AOPEP: variants seen among roughly 807,000 people sequenced by gnomAD.
AOPEP encodes aminopeptidase O (putative), also known as aminopeptidase O.
AOPEP carries 77 observed loss-of-function variants against 98.1 expected under a neutral mutation model. That is an observed-to-expected ratio of 0.78 (90% confidence interval 0.65 to 0.95). The LOEUF (loss-of-function observed/expected upper bound fraction) is 0.95, where lower values mean the gene tolerates loss of function less well. Ranked by LOEUF, AOPEP falls within the 40% of genes least tolerant of loss-of-function variation. The probability of loss-of-function intolerance (pLI) is 0.00; values close to 1 mark genes in which losing one functional copy is unlikely to be tolerated. For synonymous variants in AOPEP, 346 were observed against 365.3 expected, an observed-to-expected ratio of 0.95 and a Z score of 0.60; for missense variants, 1,024 against 1,024.7, an observed-to-expected ratio of 1.00 and a Z score of 0.01.
At chr9:94,940,600 T>TAAAC (rs1475512302) in intron 7 of AOPEP, among the ~76,000 whole-genome samples, 6 of 151,942 alleles carry the variant, frequency 3.9e-5, no homozygotes, top group African/African-American at 1.5e-4. Context: ...TCTCAATAAA[T>TAAAC]AAATAAATAA....
chr9:94,887,711 G>A (rs1475368184), intron 5 of AOPEP, among the ~76,000 whole-genome samples: 1 of 152,202 alleles, frequency 6.6e-6, no homozygotes, highest in African/African-American at 2.4e-5. Context: ...AAATCAGTGA[G>A]ATAACTCGGT....
At chr9:94,896,289 T>A (rs1452897350) in intron 5 of AOPEP, among the ~76,000 whole-genome samples, 1 of 152,090 alleles carries the variant, frequency 6.6e-6, no homozygotes, top group Non-Finnish European at 1.5e-5. Context: ...TGCTTATGAG[T>A]CTATATGATA....
intron 13 of AOPEP, among the ~76,000 whole-genome samples, chr9:95,055,556 C>T (rs1324124823): frequency 6.6e-6 from 1 of 152,170 alleles, no homozygotes; most frequent in Non-Finnish European, 1.5e-5. Flanking sequence ...AGCTTTCTGT[C>T]TCCTTTAATG....
At chr9:95,084,943 T>C (rs1266817581) in intron 16 of AOPEP, among the ~76,000 whole-genome samples, 1 of 152,230 alleles carries the variant, frequency 6.6e-6, no homozygotes, top group Admixed American at 6.5e-5. Context: ...AGTAAACTAA[T>C]AGCAAGGACA....
chr9:94,842,148 G>A (rs904612309), intron 5 of AOPEP, among the ~76,000 whole-genome samples: 7 of 152,074 alleles, frequency 4.6e-5, no homozygotes, highest in African/African-American at 1.4e-4. Context: ...GATCACTTGA[G>A]GTCAGGAGTT....
At chr9:94,940,575 C>G (rs1441050750) in intron 7 of AOPEP, among the ~76,000 whole-genome samples, 3 of 151,902 alleles carry the variant, frequency 2.0e-5, no homozygotes, top group Non-Finnish European at 4.4e-5. Flanking sequence ...GCCTGGACAG[C>G]AAAGTGAGAC....
intron 11 of AOPEP, among the ~76,000 whole-genome samples, chr9:94,990,294 G>A (rs77534650): frequency 0.066 from 10,123 of 152,226 alleles, 821 homozygotes; most frequent in African/African-American, 0.19. Context: ...CACATGGGCA[G>A]TACCTGTCTT....
chr9:94,893,944 A>G (rs1001890343), intron 5 of AOPEP, among the ~76,000 whole-genome samples: 3 of 152,208 alleles, frequency 2.0e-5, no homozygotes, highest in Non-Finnish European at 4.4e-5. Flanking sequence ...AAATAAGACT[A>G]TCTTTGGTCA....
chr9:94,903,071 C>T (rs1292711571), intron 5 of AOPEP, among the ~76,000 whole-genome samples: 1 of 151,556 alleles, frequency 6.6e-6, no homozygotes, highest in East Asian at 2.0e-4. Flanking sequence ...ACCTCTGCCC[C>T]CCGGGTTCAA....
At chr9:94,993,475 T>G (rs1439234871) in intron 11 of AOPEP, among the ~76,000 whole-genome samples, 2 of 152,230 alleles carry the variant, frequency 1.3e-5, no homozygotes, top group African/African-American at 4.8e-5. Flanking sequence ...GAGAAATTGC[T>G]ACAGTGATCG....
rs192866637 is a variant in AOPEP at position 94,765,182 on chromosome 9, C to G, written c.797+4602C>G. On this transcript the variant is annotated intron_variant, in intron 2 of 16. Transcript: ENST00000375315. ...TTTGCTATGTTGCCCAGGCTGGTCT[C>G]GAACTCCTGGGCCCAAGCATTCCTC... Among the ~76,000 whole-genome samples, 67 of 151,844 alleles carry G rather than the reference C, an allele frequency of 4.4e-4. No homozygotes were observed. In the East Asian group the frequency reaches 9.2e-3, roughly 21 times the overall value.
At chr9:94,837,461 T>C (rs1000974383) in intron 5 of AOPEP, among the ~76,000 whole-genome samples, 3 of 152,118 alleles carry the variant, frequency 2.0e-5, no homozygotes, top group Admixed American at 6.5e-5. Flanking sequence ...AAAAAAGATA[T>C]TGATCTGTAG....
At chr9:95,111,149 T>C in the AOPEP span, 113 of 1,534,772 alleles carry the variant, frequency 7.4e-5, no homozygotes, top group African/African-American at 1.3e-3. Flanking sequence ...GGGCACGCCT[T>C]GGAGGACGCG....
the AOPEP span, among the ~76,000 whole-genome samples, chr9:95,130,985 T>C: frequency 6.6e-6 from 1 of 152,214 alleles, no homozygotes; most frequent in South Asian, 2.1e-4. Context: ...AATATCCCTT[T>C]TACATTTTCA....
chr9:95,010,132 ATTG>A (rs1336714779), intron 13 of AOPEP, among the ~76,000 whole-genome samples: 1 of 152,096 alleles, frequency 6.6e-6, no homozygotes, highest in Non-Finnish European at 1.5e-5. Flanking sequence ...TTTAGCGTTT[ATTG>A]TTCCTTTTAA....
rs189401208 is a variant in AOPEP at position 94,783,096 on chromosome 9, G to A, written c.965-9669G>A. Among the ~76,000 whole-genome samples the A allele has an allele frequency of 1.1e-4, 16 of 152,330 alleles. No individual in the cohort carries two copies. In the East Asian group the frequency reaches 2.9e-3, roughly 28 times the overall value. On this transcript the variant is annotated intron_variant, in intron 3 of 16. Transcript: ENST00000375315. The stretch of plus-strand genomic sequence containing the variant: ...TGTCCAGTTAGCTGATCCAGCTTAA[G>A]GGGAACTGGGTCACCTGCATTGAAG...
chr9:94,945,056 G>C (rs1016368901), intron 7 of AOPEP, among the ~76,000 whole-genome samples: 1 of 152,134 alleles, frequency 6.6e-6, no homozygotes, highest in Non-Finnish European at 1.5e-5. Context: ...GGTGACCTCC[G>C]AGGTTTGGAT....
At chr9:95,141,290 T>C in the AOPEP span, among the ~76,000 whole-genome samples, 1 of 110,918 alleles carries the variant, frequency 9.0e-6, no homozygotes, top group African/African-American at 3.6e-5. Context: ...CTAGCCTGGG[T>C]GACAGAGTGA....
rs547890732 is a variant in AOPEP at position 94,873,983 on chromosome 9, G to C, written c.1365-50003G>C. Among the ~76,000 whole-genome samples the C allele has an allele frequency of 8.6e-5, 13 of 151,796 alleles. No individual in the cohort carries two copies. In the South Asian group the frequency reaches 2.1e-3, roughly 24 times the overall value. ...GTACATTCCTTTTTGTGTATACCTG[G>C]GATGTATACACACAAAAAAGGAAGA... On this transcript the variant is annotated intron_variant, in intron 5 of 16. Transcript: ENST00000375315.
Sources: allele counts gnomAD v4.1 joint callset (sites outside exome capture counted in the v4.1 genomes callset), GRCh38; gene constraint gnomAD v4.1.1; transcripts MANE v1.5; gene names NCBI Gene and HGNC (gene_info 2026-07-23, HGNC 2026-07-21).